ASTN2: variants seen among roughly 807,000 people sequenced by gnomAD.
ASTN2 encodes the protein astrotactin 2.
In ASTN2, 54 loss-of-function variants were observed where a neutral mutation model predicts 139.8. The ratio of observed to expected loss-of-function variants is 0.39; its 90% CI spans 0.31 to 0.48. The LOEUF (loss-of-function observed/expected upper bound fraction) is 0.48, where lower values mean the gene tolerates loss of function less well. Among genes scored for constraint, ASTN2 ranks in the 20% least tolerant of loss-of-function variants. The probability of loss-of-function intolerance (pLI) is 0.95; values close to 1 mark genes in which losing one functional copy is unlikely to be tolerated. For missense variants in ASTN2, 1,565 were observed against 1,725.1 expected, an observed-to-expected ratio of 0.91 and a Z score of 1.64; for synonymous variants, 756 against 719.5, an observed-to-expected ratio of 1.05 and a Z score of -0.81.
At chr9:117,106,479 G>C (rs1020628934) in intron 4 of ASTN2, among the ~76,000 whole-genome samples, 1 of 151,872 alleles carries the variant, frequency 6.6e-6, no homozygotes, top group Non-Finnish European at 1.5e-5. Flanking sequence ...GATTATAAAC[G>C]TGAGCCACTG....
At chr9:117,198,931 G>A (rs1831605574) in intron 3 of ASTN2, among the ~76,000 whole-genome samples, 1 of 151,952 alleles carries the variant, frequency 6.6e-6, no homozygotes, top group Non-Finnish European at 1.5e-5. Context: ...CTGCATAAAT[G>A]TCTTTTGAGA....
In ASTN2 at chr9:116,605,888, T is replaced by C. The variant is rs113404814; in HGVS notation, c.3355+12436A>G. Among the ~76,000 whole-genome samples, 376 of 152,238 alleles carry C rather than the reference T, an allele frequency of 2.5e-3. 1 individual carries two copies. The highest frequency in any genetic ancestry group is 0.012 in the South Asian group (56 of 4,824). On this transcript the variant is annotated intron_variant, in intron 19 of 22. Coordinates refer to ENST00000313400, the MANE Select transcript of ASTN2 (RefSeq NM_001365068.1). ...TAGTGGATGAGGGTGTGGGAGTAGATAGGAAAGAAACCAGAGCCCTAGTTC... is the reference window on the plus strand; with the variant it reads ...TAGTGGATGAGGGTGTGGGAGTAGACAGGAAAGAAACCAGAGCCCTAGTTC...
At chr9:116,437,367 T>C (rs760122546) in intron 22 of ASTN2, 1 of 471,246 alleles carries the variant, frequency 2.1e-6, no homozygotes, top group South Asian at 1.5e-5. Context: ...CAGTGTGGGA[T>C]GTTGGAGCAA....
chr9:116,597,760 T>G (rs1041169365), intron 19 of ASTN2, among the ~76,000 whole-genome samples: 12 of 152,048 alleles, frequency 7.9e-5, no homozygotes, highest in Non-Finnish European at 1.5e-4. Context: ...ATCTCTACAT[T>G]GGGTAGAGGG....
At position 116,698,785 on chromosome 9, in the gene ASTN2, C is replaced by T; in HGVS notation, c.2806+26986G>A. 6.2e-7 allele frequency: 1 copy of T among 1,614,188 alleles called. No individual in the cohort carries two copies. Among genetic ancestry groups the T allele is most frequent in the Non-Finnish European group, 8.5e-7 (1 of 1,180,036 alleles). On this transcript the variant is annotated intron_variant, in intron 16 of 22. Transcript: ENST00000313400. This position sits in a 1 kb window ranked among gnomAD's most constrained non-coding sequence, Gnocchi z 4.4. ...CCTGCTAAACAGCGGGGTCCTGAGGCAGCCTCCAATATCCAGCAGTGCCTC... is the reference window on the plus strand; with the variant it reads ...CCTGCTAAACAGCGGGGTCCTGAGGTAGCCTCCAATATCCAGCAGTGCCTC...
chr9:116,540,307 A>G (rs943933392), intron 19 of ASTN2: 1 of 152,214 alleles, frequency 6.6e-6, no homozygotes, highest in Admixed American at 6.5e-5. Context: ...GGAAAAGAGA[A>G]AAAAAATCAT....
rs768637857 is a variant in ASTN2 at position 116,863,567 on chromosome 9, G to A, written c.2040+16C>T. 2.7e-5 allele frequency: 44 copies of A among 1,612,406 alleles called. No individual in the cohort carries two copies. Among genetic ancestry groups the A allele is most frequent in the Middle Eastern group, 1.7e-4 (1 of 6,052 alleles). On this transcript the variant is annotated intron_variant, in intron 11 of 22. Coordinates refer to ENST00000313400, the MANE Select transcript of ASTN2 (RefSeq NM_001365068.1). ...CCCTGGGCCACTGCCATGTTCCCGG[G>A]CCAATGGGCACTTACCACACATCCC...
At chr9:116,655,274 A>C (rs1008083075) in intron 16 of ASTN2, among the ~76,000 whole-genome samples, 8 of 152,182 alleles carry the variant, frequency 5.3e-5, no homozygotes, top group African/African-American at 1.9e-4. Context: ...ACAATTGCAA[A>C]AGCTAATTGC....
chr9:117,144,428 C>A (rs979579909), intron 3 of ASTN2, among the ~76,000 whole-genome samples: 2 of 152,134 alleles, frequency 1.3e-5, no homozygotes, highest in African/African-American at 4.8e-5. Context: ...GGCCCAGGGG[C>A]CACAGGCAGC....
At chr9:116,951,232 G>A (rs1324030068) in intron 10 of ASTN2, among the ~76,000 whole-genome samples, 2 of 151,168 alleles carry the variant, frequency 1.3e-5, no homozygotes, top group Non-Finnish European at 2.9e-5. Flanking sequence ...AGCTACTTGG[G>A]AGGCTGAGGC....
At chr9:116,843,487 A>G (rs1832328856) in intron 11 of ASTN2, among the ~76,000 whole-genome samples, 2 of 151,882 alleles carry the variant, frequency 1.3e-5, no homozygotes, top group African/African-American at 4.8e-5. Context: ...GTGAAACCCC[A>G]TCTCTACTAA....
At chr9:116,503,910 G>A (rs986268911) in intron 19 of ASTN2, among the ~76,000 whole-genome samples, 1 of 152,092 alleles carries the variant, frequency 6.6e-6, no homozygotes, top group Non-Finnish European at 1.5e-5. Flanking sequence ...AGAACCCACA[G>A]GTCTCTAAGG....
intron 2 of ASTN2, among the ~76,000 whole-genome samples, chr9:117,267,764 C>T (rs1833968721): frequency 6.6e-6 from 1 of 152,192 alleles, no homozygotes; most frequent in Admixed American, 6.5e-5. Flanking sequence ...TCTCAGGGCG[C>T]AGTTTCTCCA....
At chr9:117,059,508 T>G (rs4838145) in intron 5 of ASTN2, among the ~76,000 whole-genome samples, 113,252 of 151,662 alleles carry the variant, frequency 0.75, 43,523 homozygotes, top group South Asian at 0.88. Flanking sequence ...AGCTACTAAG[T>G]AGGCTGAGGC....
intron 17 of ASTN2, among the ~76,000 whole-genome samples, chr9:116,634,366 G>A (rs1022432224): frequency 2.0e-5 from 3 of 151,680 alleles, no homozygotes; most frequent in East Asian, 2.0e-4. Context: ...CGAGGCGGGC[G>A]GATCACGAGG....
intron 13 of ASTN2, among the ~76,000 whole-genome samples, chr9:116,784,711 C>T (rs998392353): frequency 6.6e-6 from 1 of 151,944 alleles, no homozygotes; most frequent in Non-Finnish European, 1.5e-5. Context: ...GGGTGAATCA[C>T]CTGAAGTTGG....
intron 1 of ASTN2, among the ~76,000 whole-genome samples, chr9:117,331,626 C>A (rs1828710579): frequency 6.6e-6 from 1 of 152,100 alleles, no homozygotes. Context: ...TGGTGTGCAC[C>A]AAGCACATGG....
chr9:116,687,217 G>C, intron 16 of ASTN2: 1 of 1,006,468 alleles, frequency 9.9e-7, no homozygotes, highest in African/African-American at 1.7e-5. Flanking sequence ...CGCGCTTGGG[G>C]CCAGCTGCAC....
chr9:117,278,583 G>A (rs1834250559), intron 2 of ASTN2, among the ~76,000 whole-genome samples: 1 of 152,216 alleles, frequency 6.6e-6, no homozygotes, highest in African/African-American at 2.4e-5. Flanking sequence ...AGATGGAGAA[G>A]GTGGCAGGCA....
Sources: allele counts gnomAD v4.1 joint callset (sites outside exome capture counted in the v4.1 genomes callset), GRCh38; gene constraint gnomAD v4.1.1; non-coding constraint Gnocchi (gnomAD v3.1); transcripts MANE v1.5; gene names NCBI Gene and HGNC (gene_info 2026-07-23, HGNC 2026-07-21).